The following SOX15 variants were observed in gnomAD, a reference collection of about 807,000 sequenced individuals.
SOX15 encodes SRY-box transcription factor 15.
In SOX15, 12 loss-of-function variants were observed where a neutral mutation model predicts 15.9. That is an observed-to-expected ratio of 0.75 (90% CI 0.48 to 1.22). SOX15 has a LOEUF of 1.22. SOX15 is among the 50% of genes most tolerant of loss of function. SOX15 has a pLI of 0.00. For missense variants in SOX15, 309 were observed against 313.9 expected (o/e 0.98, Z 0.12); for synonymous variants, 149 against 142.8 (o/e 1.04, Z -0.31).
chr17:7,588,410 C>G lies in SOX15; in HGVS notation c.670G>C (p.Ala224Pro). The G allele has an allele frequency of 1.9e-6, 3 of 1,613,016 alleles. No homozygotes were observed. Among genetic ancestry groups the G allele is most frequent in the Non-Finnish European group, 2.5e-6 (3 of 1,179,462 alleles). Residue 224 changes from alanine to proline, a missense_variant, in exon 2 of 2, where the codon GCT becomes CCT. Coordinates refer to ENST00000250055, the MANE Select transcript of SOX15 (RefSeq NM_006942.2). ...GSPTPYNPPL[A>P]GAPMPLTHL is the part of the protein sequence containing the mutation. ...TGGGTTAGGGGCATGGGGGCACCAG[C>G]AAGGGGAGGGTTGTATGGAGTGGGA... is the stretch of plus-strand genomic sequence containing the variant.
Position 7,589,541 on chromosome 17 carries a change from G to A in SOX15, c.136C>T (p.Leu46=). ...GSPAAPGTLP[L]EKVKRPMNAF... ...TTCATCGGCCGCTTCACCTTCTCCA[G>A]GGGCAGCGTCCCGGGGGCCGCGGGG... The change falls in exon 1 of 2, where the codon CTG becomes TTG. Residue 46 remains leucine, a synonymous_variant. Transcript: ENST00000250055. The A allele has an allele frequency of 1.2e-6, 2 of 1,608,492 alleles. No homozygotes were observed. Among genetic ancestry groups the A allele is most frequent in the Non-Finnish European group, 1.7e-6 (2 of 1,178,218 alleles).
rs757038959 is a variant in SOX15, at chr17:7,589,257, G to A, written c.420C>T (p.Asn140=). 6.4e-7 allele frequency: 1 copy of A among 1,555,848 alleles called. No individual in the cohort carries two copies. Residue 140 remains asparagine (N), a synonymous_variant, in exon 1 of 2, where the codon AAC becomes AAT. Coordinates refer to ENST00000250055, the MANE Select transcript of SOX15 (RefSeq NM_006942.2). ...CCCAGAGCGGGCCGCCGCTGGCCAG[G>A]TTGCCTCTTCCCTGTCCGCAGCGGG... ...GPSRCGQGRG[N]LASGGPLWGP...
rs982810384 is a variant in SOX15, at chr17:7,588,523, G to A, written c.557C>T (p.Ala186Val). ...CTGAGGGAGGGAGCACGGTGAGGGG[G>A]CTTCCAGTTTGCAGTGGGAAGAGCT... ...SYGSSHCKLE[A>V]PSPCSLPQSD... Residue 186 changes from alanine to valine, a missense_variant, in exon 2 of 2, where the codon GCC becomes GTC. Physicochemically the swap from Ala to Val is moderately conservative, Grantham distance 64. Coordinates refer to ENST00000250055, the MANE Select transcript of SOX15 (RefSeq NM_006942.2). 1.1e-5 allele frequency: 17 copies of A among 1,613,430 alleles called. No individual in the cohort carries two copies. The highest frequency in any genetic ancestry group is 1.4e-5 in the Non-Finnish European group (16 of 1,179,976).
In SOX15 at chr17:7,589,832, C is replaced by T; in HGVS notation, c.-156G>A. On this transcript the variant is annotated 5_prime_UTR_variant, in exon 1 of 2. Coordinates refer to ENST00000250055, the MANE Select transcript of SOX15 (RefSeq NM_006942.2). The stretch of plus-strand genomic sequence containing the variant: ...TTATCCCCAAGCCCAGAGCTTAAAC[C>T]GGAGCCTTTGCTTCCAACCTGTTCG... 1 of 685,974 alleles carries T rather than the reference C, an allele frequency of 1.5e-6. No homozygotes were observed. Among genetic ancestry groups the T allele is most frequent in the Non-Finnish European group, 2.4e-6 (1 of 420,528 alleles). The allele number at this position is 685,974 out of a possible 1,614,324, so 42.5% of individuals were successfully genotyped here.
At chr17:7,588,865 A>G (rs2071626751) in intron 1 of SOX15, 1 of 588,586 alleles carries the variant, frequency 1.7e-6, no homozygotes, top group South Asian at 2.0e-5. Context: ...AGCAGGGGGG[A>G]AACGGGGCAT....
In SOX15 at chr17:7,589,591, G is replaced by A; in HGVS notation, c.86C>T (p.Pro29Leu). ...ATAAASSSSG[P>L]QEREGAGSPA... ...GCTCCCAGCGCCCTCCCGCTCCTGG[G>A]GTCCCGAAGATGAGGAGGCAGCAGC... The change falls in exon 1 of 2, where the codon CCC becomes CTC. Residue 29 changes from proline to leucine, a missense_variant. Coordinates refer to ENST00000250055, the MANE Select transcript of SOX15 (RefSeq NM_006942.2). 1.3e-6 allele frequency: 2 copies of A among 1,571,736 alleles called. No homozygotes were observed. The highest frequency in any genetic ancestry group is 2.3e-5 in the East Asian group (1 of 42,664).
Position 7,588,485 on chromosome 17 carries a change from G to A in SOX15, c.595C>T (p.Leu199Phe). The change falls in exon 2 of 2, where the codon CTC becomes TTC. Residue 199 changes from leucine (L) to phenylalanine (F), a missense_variant. Coordinates refer to ENST00000250055, the MANE Select transcript of SOX15 (RefSeq NM_006942.2). ...PCSLPQSDPR[L>F]QGELLPTYTH... ...TAGGTGGGCAGCAGTTCCCCCTGGA[G>A]CCTAGGGTCACTCTGAGGGAGGGAG... The A allele has an allele frequency of 6.2e-7, 1 of 1,613,894 alleles. No homozygotes were observed. Among genetic ancestry groups the A allele is most frequent in the Non-Finnish European group, 8.5e-7 (1 of 1,179,862 alleles).
intron 1 of SOX15, 47 bp from the exon 2 acceptor site, chr17:7,588,593 G>A (rs1276841772): frequency 5.7e-6 from 9 of 1,586,658 alleles, no homozygotes; most frequent in African/African-American, 1.3e-5. Flanking sequence ...TGGGTTGGAG[G>A]TGAGTCTGGC....
rs1235021862 is a variant in SOX15 at position 7,589,256 on chromosome 17, G to C, written c.421C>G (p.Leu141Val). ...CCCCAGAGCGGGCCGCCGCTGGCCA[G>C]GTTGCCTCTTCCCTGTCCGCAGCGG... ...PSRCGQGRGN[L>V]ASGGPLWGPG... The change falls in exon 1 of 2, where the codon CTG (leucine) becomes GTG (valine). Residue 141 changes from leucine to valine, a missense_variant. Transcript: ENST00000250055. 4 of 1,555,498 alleles carry C rather than the reference G, an allele frequency of 2.6e-6. No individual in the cohort carries two copies. The Admixed American group carries it at 7.8e-5, about 30-fold the overall frequency.
intron 1 of SOX15, 110 bp downstream of exon 1, chr17:7,589,034 C>T: frequency 9.5e-7 from 1 of 1,053,150 alleles, no homozygotes; most frequent in Non-Finnish European, 1.3e-6. Context: ...ACCTTGGCCG[C>T]GAGTGGCCTC....
At position 7,589,549 on chromosome 17, in the gene SOX15, G is replaced by A. The variant is rs557247017; in HGVS notation, c.128C>T (p.Thr43Met). 4.4e-6 allele frequency: 7 copies of A among 1,605,644 alleles called. No individual in the cohort carries two copies. Among genetic ancestry groups the A allele is most frequent in the East Asian group, 2.2e-5 (1 of 44,614 alleles). The part of the protein sequence containing the change: ...EGAGSPAAPG[T>M]LPLEKVKRPM... ...CCGCTTCACCTTCTCCAGGGGCAGC[G>A]TCCCGGGGGCCGCGGGGCTCCCAGC... The change falls in exon 1 of 2, where the codon ACG becomes ATG. Residue 43 changes from threonine to methionine, a missense_variant. Physicochemically the swap from Thr to Met is moderately conservative, Grantham distance 81. Coordinates refer to ENST00000250055, the MANE Select transcript of SOX15 (RefSeq NM_006942.2).
chr17:7,588,627 G>T, intron 1 of SOX15, 81 bp from the exon 2 acceptor site: 1 of 1,428,580 alleles, frequency 7.0e-7, no homozygotes, highest in Non-Finnish European at 9.8e-7. Flanking sequence ...ACAGGGTAGA[G>T]CGTGCCACCC....
rs764348500 is a variant in SOX15, at chr17:7,588,367, G to A, written c.*11C>T. 12 of 1,612,704 alleles carry A rather than the reference G, an allele frequency of 7.4e-6. No homozygotes were observed. In the East Asian group the frequency reaches 8.9e-5, roughly 12 times the overall value. On this transcript the variant is annotated 3_prime_UTR_variant, in exon 2 of 2. Transcript: ENST00000250055. Reference sequence around the variant, plus strand: ...ATGAGGCCCGTCCCGTGAGGTCTGCGTCCATGAGGGTTAGAGGTGGGTTAG... The same window carrying A: ...ATGAGGCCCGTCCCGTGAGGTCTGCATCCATGAGGGTTAGAGGTGGGTTAG...
chr17:7,588,767 G>A (rs146583449), intron 1 of SOX15, among the ~76,000 whole-genome samples: 15 of 152,262 alleles, frequency 9.9e-5, no homozygotes, highest in Non-Finnish European at 1.9e-4. Flanking sequence ...TTTCCTCTTG[G>A]GGAGTCAGGC....
At chr17:7,588,678 T>A in intron 1 of SOX15, 132 bp from the exon 2 acceptor site, 6 of 994,238 alleles carry the variant, frequency 6.0e-6, no homozygotes, top group South Asian at 4.0e-5. Flanking sequence ...GCAGCAGGCA[T>A]GGAAGCCGAC....
rs2071618358 is a variant in SOX15 at position 7,588,239 on chromosome 17, C to T, written c.*139G>A. On this transcript the variant is annotated 3_prime_UTR_variant, in exon 2 of 2. Transcript: ENST00000250055. ...ATAATTGTATGTTGTGCGGCTCTCC[C>T]TGGCTATCATGGGAGGACTGCAGGC... 3.5e-6 allele frequency: 3 copies of T among 851,400 alleles called. No individual in the cohort carries two copies. Among genetic ancestry groups the T allele is most frequent in the Non-Finnish European group, 6.2e-6 (3 of 484,008 alleles). 52.7% of individuals were successfully genotyped at this position (851,400 alleles called of 1,614,324 possible).
At chr17:7,588,606 G>A (rs2071623851) in intron 1 of SOX15, 60 bp from the exon 2 acceptor site, 1 of 1,539,712 alleles carries the variant, frequency 6.5e-7, no homozygotes, top group East Asian at 2.2e-5. Flanking sequence ...AGTCTGGCCA[G>A]TTCTGGGCAG....
At chr17:7,589,011 C>T in intron 1 of SOX15, 133 bp downstream of exon 1, 1 of 800,786 alleles carries the variant, frequency 1.2e-6, no homozygotes, top group Non-Finnish European at 1.9e-6. Flanking sequence ...GGTACTGGGC[C>T]TGCGCCCGCC....
intron 1 of SOX15, 63 bp downstream of exon 1, chr17:7,589,081 C>G: frequency 1.4e-6 from 2 of 1,399,098 alleles, no homozygotes; most frequent in Non-Finnish European, 1.9e-6. Context: ...CATCCGCCCC[C>G]ACCAAGGCTC....
Sources: gnomAD v4.1 joint callset for allele counts (sites outside exome capture counted in the v4.1 genomes callset) on GRCh38, gnomAD v4.1.1 for gene constraint, MANE v1.5 for transcripts, NCBI Gene and HGNC (gene_info 2026-07-23, HGNC 2026-07-21) for gene names.